The following TIAM2 variants were observed in gnomAD, a reference collection of about 807,000 sequenced individuals.
TIAM2 encodes the protein TIAM Rac1 associated GEF 2, also known as rho guanine nucleotide exchange factor TIAM2.
Under a neutral mutation model 152.9 loss-of-function variants are expected in TIAM2, and 80 were observed. The observed-to-expected ratio is 0.52, with a 90% CI of 0.44 to 0.63. The LOEUF is 0.63. TIAM2 is among the 30% of genes least tolerant of loss of function. TIAM2 has a pLI of 0.00. For missense variants in TIAM2, 1,965 were observed against 2,120.1 expected, an observed-to-expected ratio of 0.93 and a Z score of 1.44; for synonymous variants, 804 against 838.0, an observed-to-expected ratio of 0.96 and a Z score of 0.70.
chr6:155,185,004 C>G (rs1280588485), intron 14 of TIAM2, among the ~76,000 whole-genome samples: 2 of 151,878 alleles, frequency 1.3e-5, no homozygotes, highest in African/African-American at 4.8e-5. Context: ...GATACATTCA[C>G]TACCTGTGTT....
chr6:155,042,208 C>T (rs940769916), intron 1 of TIAM2, among the ~76,000 whole-genome samples: 1 of 151,966 alleles, frequency 6.6e-6, no homozygotes, highest in African/African-American at 2.4e-5. Context: ...AGACCCGCCC[C>T]CGCCCCCAGG....
rs1156509176 is a variant in TIAM2, at chr6:155,137,216, C to A, written c.1234C>A (p.Arg412Ser). ...SKEGSDYFDS[R>S]SDGLNTDVQG... Reference sequence around the variant, plus strand: ...GGAGGGCAGTGACTACTTTGACAGTCGCTCTGATGGACTGAATACAGATGT... The same window carrying A: ...GGAGGGCAGTGACTACTTTGACAGTAGCTCTGATGGACTGAATACAGATGT... The change falls in exon 5 of 27, where the codon CGC becomes AGC. Residue 412 changes from arginine (R) to serine (S), a missense_variant. Around this residue, in one of 3 missense-constraint regions of TIAM2, gnomAD observed 1,025 missense variants for 1,119.4 expected, o/e 0.92. Coordinates refer to ENST00000682666, the MANE Select transcript of TIAM2 (RefSeq NM_012454.4). 30 of 1,613,864 alleles carry A rather than the reference C, an allele frequency of 1.9e-5. No homozygotes were observed. Among genetic ancestry groups the A allele is most frequent in the Non-Finnish European group, 2.4e-5 (28 of 1,179,924 alleles).
chr6:155,147,353 C>T (rs577644218), intron 6 of TIAM2, among the ~76,000 whole-genome samples: 9 of 152,278 alleles, frequency 5.9e-5, no homozygotes, highest in African/African-American at 1.4e-4. Flanking sequence ...GTCACCCAGG[C>T]TGGCGTGCAG....
intron 1 of TIAM2, among the ~76,000 whole-genome samples, chr6:155,045,078 T>A (rs1380119499): frequency 7.1e-6 from 1 of 141,622 alleles, no homozygotes; most frequent in African/African-American, 2.7e-5. Flanking sequence ...TGAGACAGAG[T>A]CTAGCACTGT....
intron 2 of TIAM2, among the ~76,000 whole-genome samples, chr6:155,102,767 TTGTG>T (rs56117781): frequency 0.012 from 1,733 of 145,712 alleles, 9 homozygotes; most frequent in East Asian, 0.025. Context: ...GATTAATTTA[TTGTG>T]TGTGTGTGTG....
intron 15 of TIAM2, among the ~76,000 whole-genome samples, chr6:155,237,188 C>A (rs1782808108): frequency 6.6e-6 from 1 of 152,216 alleles, no homozygotes; most frequent in South Asian, 2.1e-4. Context: ...GGCTCCAGGC[C>A]CCATGCAATT....
intron 6 of TIAM2, among the ~76,000 whole-genome samples, chr6:155,146,231 A>T (rs1339992954): frequency 6.6e-6 from 1 of 152,150 alleles, no homozygotes; most frequent in Non-Finnish European, 1.5e-5. Flanking sequence ...CAATAAAAAA[A>T]TTAGCCAGGC....
At chr6:155,202,538 C>CCT (rs1461590088) in intron 14 of TIAM2, among the ~76,000 whole-genome samples, 1 of 152,030 alleles carries the variant, frequency 6.6e-6, no homozygotes, top group African/African-American at 2.4e-5. Context: ...CCTGCCTCAG[C>CCT]CTCCTGAGTG....
At chr6:155,256,238 A>G (rs1784014410) in intron 26 of TIAM2, 9 of 605,448 alleles carry the variant, frequency 1.5e-5, no homozygotes, top group South Asian at 8.2e-5. Context: ...GTCTAGTTCT[A>G]TTTACATAAT....
At chr6:155,140,573 TGA>T (rs57939338) in intron 5 of TIAM2, among the ~76,000 whole-genome samples, 25,136 of 106,502 alleles carry the variant, frequency 0.24, 3,180 homozygotes, top group East Asian at 0.5. Context: ...TGTGTGTGTG[TGA>T]GAGAGAGAGA....
At chr6:155,241,157 C>T (rs1285821414) in intron 16 of TIAM2, among the ~76,000 whole-genome samples, 3 of 152,116 alleles carry the variant, frequency 2.0e-5, no homozygotes, top group East Asian at 3.9e-4. Flanking sequence ...AACTGGGACG[C>T]ACACACTGGG....
intron 2 of TIAM2, among the ~76,000 whole-genome samples, chr6:155,100,830 T>C (rs1171473876): frequency 6.6e-6 from 1 of 152,170 alleles, no homozygotes; most frequent in African/African-American, 2.4e-5. Flanking sequence ...AGAAATTAAA[T>C]GATGTGTCCA....
At position 155,213,088 on chromosome 6, in the gene TIAM2, T is replaced by C. The variant is rs965655119; in HGVS notation, c.3168+1781T>C. Among the ~76,000 whole-genome samples the C allele has an allele frequency of 1.3e-5, 2 of 152,140 alleles. No homozygotes were observed. Among genetic ancestry groups the C allele is most frequent in the Non-Finnish European group, 2.9e-5 (2 of 68,010 alleles). On this transcript the variant is annotated intron_variant, in intron 15 of 26. Coordinates refer to ENST00000682666, the MANE Select transcript of TIAM2 (RefSeq NM_012454.4). The surrounding 1 kb of genome is among the most constrained non-coding windows in gnomAD (Gnocchi z 4.2). ...GGGCTGCAGCTCTTCTCTCCTCCTC[T>C]TTTCTCTCCTTGTCACCTGTAATGT...
rs1395863058 is a variant in TIAM2, at chr6:155,137,462, G to A, written c.1480G>A (p.Glu494Lys). ...ESSSESLSSL[E>K]QLDLLFEKEQ... is the part of the protein sequence containing the mutation. ...CAGCAGCGAGTCACTCAGCTCTCTG[G>A]AACAGCTGGATCTGCTCTTTGAGAA... Residue 494 changes from glutamate to lysine, a missense_variant, in exon 5 of 27, where the codon GAA becomes AAA. Transcript: ENST00000682666. 6.2e-7 allele frequency: 1 copy of A among 1,614,228 alleles called. No individual in the cohort carries two copies.
intron 1 of TIAM2, among the ~76,000 whole-genome samples, chr6:155,039,063 T>C (rs1475023199): frequency 6.8e-6 from 1 of 147,130 alleles, no homozygotes; most frequent in African/African-American, 2.5e-5. Context: ...CAGACTCAGG[T>C]GATCCTCCTA....
chr6:155,130,066 C>T lies in TIAM2; in HGVS notation c.843C>T (p.Phe281=), dbSNP rs1178881104. ...CTGACCCCAGTCTCCATGCCAGCTTCCCACCTGGCGATGCCAAAAAGCCTT... is the reference window on the plus strand; with the variant it reads ...CTGACCCCAGTCTCCATGCCAGCTTTCCACCTGGCGATGCCAAAAAGCCTT... ...GMPDPSLHAS[F]PPGDAKKPFN... is the part of the protein sequence containing the mutation. The change falls in exon 4 of 27, where the codon TTC becomes TTT. Residue 281 remains phenylalanine, a synonymous_variant. Transcript: ENST00000682666. 1 of 1,613,988 alleles carries T rather than the reference C, an allele frequency of 6.2e-7. No homozygotes were observed. The highest frequency in any genetic ancestry group is 8.5e-7 in the Non-Finnish European group (1 of 1,180,050).
intron 15 of TIAM2, among the ~76,000 whole-genome samples, chr6:155,226,831 A>G (rs1782265407): frequency 6.6e-6 from 1 of 152,182 alleles, no homozygotes; most frequent in Non-Finnish European, 1.5e-5. Flanking sequence ...GTCTGTCCCC[A>G]TCAGTGAAAC....
intron 10 of TIAM2, among the ~76,000 whole-genome samples, chr6:155,178,020 G>T (rs962296454): frequency 2.0e-5 from 3 of 152,064 alleles, no homozygotes; most frequent in Admixed American, 2.0e-4. Flanking sequence ...AATTAGCTGG[G>T]TGTGGTGGCG....
At position 155,247,848 on chromosome 6, in the gene TIAM2, G is replaced by C. The variant is rs952994768; in HGVS notation, c.3653-152G>C. 8 of 951,604 alleles carry C rather than the reference G, an allele frequency of 8.4e-6. No individual in the cohort carries two copies. In the African/African-American group the frequency reaches 1.1e-4, roughly 14 times the overall value. The allele number at this position is 951,604 out of a possible 1,614,324, so 58.9% of individuals were successfully genotyped here. ...AGGCGGAATCCCACGCTGACAGCTG[G>C]GTGCCTGACCCACTGATGTGTTGGG... is the stretch of plus-strand genomic sequence containing the variant. On this transcript the variant is annotated intron_variant, in intron 19 of 26. Transcript: ENST00000682666.
Sources: gnomAD v4.1 joint callset for allele counts (sites outside exome capture counted in the v4.1 genomes callset) on GRCh38, gnomAD v4.1.1 for gene constraint, gnomAD v4.1.1 regional missense constraint, Gnocchi (gnomAD v3.1) non-coding constraint, MANE v1.5 for transcripts, NCBI Gene and HGNC (gene_info 2026-07-23, HGNC 2026-07-21) for gene names.